ANK1: variants seen among roughly 807,000 people sequenced by gnomAD.
ANK1 encodes the protein ankyrin 1.
ANK1 carries 51 observed loss-of-function variants against 210.4 expected under a neutral mutation model. That is an observed-to-expected ratio of 0.24 (90% CI 0.19 to 0.31). The LOEUF (loss-of-function observed/expected upper bound fraction) is 0.31, where lower values mean the gene tolerates loss of function less well. ANK1 is among the 10% of genes least tolerant of loss of function. The pLI, the probability that ANK1 is intolerant of heterozygous loss-of-function variation, is 1.00. For missense variants in ANK1, 2,051 were observed against 2,504.4 expected (o/e 0.82, Z 3.86); for synonymous variants, 967 against 1,025.9 (o/e 0.94, Z 1.10).
chr8:41,714,006 A>G, intron 16 of ANK1, 150 bp downstream of exon 16: 1 of 486,942 alleles, frequency 2.1e-6, no homozygotes, highest in Non-Finnish European at 3.3e-6. Context: ...GGCAGGTAAC[A>G]TGTGGGAAAG....
chr8:41,693,803 G>T (rs1162808848), intron 29 of ANK1, 95 bp downstream of exon 29: 2 of 1,392,722 alleles, frequency 1.4e-6, no homozygotes, highest in Non-Finnish European at 2.0e-6. Context: ...AAAACTAAGG[G>T]GATTGCTGGC....
chr8:41,833,343 G>A (rs955605961), intron 1 of ANK1, among the ~76,000 whole-genome samples: 1 of 152,218 alleles, frequency 6.6e-6, no homozygotes, highest in African/African-American at 2.4e-5. Context: ...GCAGGTGTCT[G>A]GGGGTGGTGA....
intron 22 of ANK1, 75 bp from the exon 23 acceptor site, chr8:41,699,623 C>G (rs1290511072): frequency 7.2e-7 from 1 of 1,381,108 alleles, no homozygotes; most frequent in South Asian, 1.2e-5. Context: ...AAGCTCTGTT[C>G]CCGCTCCGCC....
intron 22 of ANK1, chr8:41,700,486 A>G: frequency 6.2e-7 from 1 of 1,610,862 alleles, no homozygotes; most frequent in Non-Finnish European, 8.5e-7. Flanking sequence ...AATTGAAAGA[A>G]GGACCACATT....
At chr8:41,684,829 G>A in intron 36 of ANK1, 139 bp from the exon 37 acceptor site, 1 of 1,118,194 alleles carries the variant, frequency 8.9e-7, no homozygotes, top group South Asian at 1.3e-5. Flanking sequence ...TTTTATTAGA[G>A]TCAAAACAAA....
At chr8:41,782,292 A>C (rs548799918) in intron 1 of ANK1, among the ~76,000 whole-genome samples, 1 of 152,320 alleles carries the variant, frequency 6.6e-6, no homozygotes, top group South Asian at 2.1e-4. Context: ...GAAAACGCAG[A>C]GGTTTGCTGC....
intron 16 of ANK1, among the ~76,000 whole-genome samples, chr8:41,711,411 C>T (rs1317961074): frequency 1.3e-5 from 2 of 152,176 alleles, no homozygotes; most frequent in Admixed American, 1.3e-4. Context: ...GGAGTTTAGG[C>T]GCAACTGACC....
intron 1 of ANK1, among the ~76,000 whole-genome samples, chr8:41,895,907 C>G (rs570682836): frequency 1.2e-4 from 18 of 152,168 alleles, no homozygotes; most frequent in Admixed American, 1.0e-3. Context: ...AGCTGCCCCC[C>G]CCCGGCCCGC....
intron 39 of ANK1, chr8:41,665,262 C>G: frequency 6.6e-7 from 1 of 1,504,404 alleles, no homozygotes; most frequent in Middle Eastern, 1.7e-4. Context: ...AGCAGCCAGG[C>G]TCTGCCCTGA....
chr8:41,873,696 G>A (rs1302759250), intron 1 of ANK1, among the ~76,000 whole-genome samples: 1 of 152,252 alleles, frequency 6.6e-6, no homozygotes, highest in Non-Finnish European at 1.5e-5. Context: ...TCAGGGGTCA[G>A]CAGGGGCTCC....
intron 37 of ANK1, among the ~76,000 whole-genome samples, chr8:41,684,187 G>A (rs953751085): frequency 6.6e-6 from 1 of 152,230 alleles, no homozygotes; most frequent in Non-Finnish European, 1.5e-5. Context: ...AAGAGCTACC[G>A]GAAAGTCTGC....
At chr8:41,692,119 C>T (rs57095696) in intron 31 of ANK1, among the ~76,000 whole-genome samples, 7,434 of 151,608 alleles carry the variant, frequency 0.049, 320 homozygotes, top group African/African-American at 0.12. Flanking sequence ...GGCAACAGTG[C>T]GATCTCGGCT....
chr8:41,719,619 G>A (rs1033586267), intron 10 of ANK1, 42 bp downstream of exon 10: 4 of 1,610,290 alleles, frequency 2.5e-6, no homozygotes, highest in Non-Finnish European at 3.4e-6. Context: ...CCCCCAGCCT[G>A]CCCTGCCACT....
At position 41,862,660 on chromosome 8, in the gene ANK1, CAA is replaced by C. The variant is rs60114930; in HGVS notation, c.126+33693_126+33694del. On this transcript the variant is annotated intron_variant, in intron 1 of 42. Transcript: ENST00000265709. ...AAGGGGTTGAGAGAGGAGGCTCAGA[CAA>C]AAAAAAAAAAAAAAAAAGGGAAAAA... 7.1e-3 allele frequency among the ~76,000 whole-genome samples: 709 copies of C among 99,614 alleles called. 1 individual carries two copies. Among genetic ancestry groups the C allele is most frequent in the African/African-American group, 0.016 (440 of 28,088 alleles). The allele number at this position is 99,614 out of a possible 152,430, so 65.4% of individuals were successfully genotyped here.
intron 2 of ANK1, among the ~76,000 whole-genome samples, chr8:41,738,822 T>C (rs2150681103): frequency 6.6e-6 from 1 of 152,368 alleles, no homozygotes; most frequent in South Asian, 2.1e-4. Context: ...ACAGCCACTT[T>C]TCTTGAAGCC....
At chr8:41,690,842 G>A (rs1377480132) in intron 31 of ANK1, among the ~76,000 whole-genome samples, 1 of 152,240 alleles carries the variant, frequency 6.6e-6, no homozygotes, top group East Asian at 1.9e-4. Flanking sequence ...ATATCCCTGA[G>A]ATGTTGATGG....
At chr8:41,852,018 G>A (rs1040663622) in intron 1 of ANK1, among the ~76,000 whole-genome samples, 7 of 152,252 alleles carry the variant, frequency 4.6e-5, no homozygotes, top group East Asian at 3.9e-4. Context: ...ACATCACCAT[G>A]CCCATTTTAT....
rs189173237 is a variant in ANK1, at chr8:41,708,281, T to C, written c.1998+497A>G. Among the ~76,000 whole-genome samples the C allele has an allele frequency of 3.0e-3, 456 of 152,320 alleles. 1 individual carries two copies. Among genetic ancestry groups the C allele is most frequent in the African/African-American group, 9.4e-3 (391 of 41,568 alleles). On this transcript the variant is annotated intron_variant, in intron 17 of 42. Transcript: ENST00000289734. ...ATTATGAATGCTTCACCCAGAAAACTGCTCACGCGCGCTTCCTCCCCAGAT... is the reference window on the plus strand; with the variant it reads ...ATTATGAATGCTTCACCCAGAAAACCGCTCACGCGCGCTTCCTCCCCAGAT...
intron 1 of ANK1, among the ~76,000 whole-genome samples, chr8:41,867,132 G>A (rs1022364887): frequency 2.6e-5 from 4 of 152,214 alleles, no homozygotes; most frequent in African/African-American, 9.7e-5. Flanking sequence ...AAGCAGCGAA[G>A]GTGCAAGTTG....
Sources: gnomAD v4.1 joint callset for allele counts (sites outside exome capture counted in the v4.1 genomes callset) on GRCh38, gnomAD v4.1.1 for gene constraint, MANE v1.5 for transcripts, NCBI Gene and HGNC (gene_info 2026-07-23, HGNC 2026-07-21) for gene names.